The following MCUB variants were observed in gnomAD, a reference collection of about 807,000 sequenced individuals.
MCUB encodes mitochondrial calcium uniporter dominant negative subunit beta.
A neutral mutation model predicts 41.4 loss-of-function variants in MCUB; 46 were observed. That is an observed-to-expected ratio of 1.11 (90% CI 0.88 to 1.42). The LOEUF is 1.42. Among genes scored for constraint, MCUB ranks in the 40% most tolerant of loss-of-function variants. MCUB has a pLI of 0.00. For missense variants in MCUB, 403 were observed against 404.9 expected, an observed-to-expected ratio of 1.00 and a Z score of 0.04; for synonymous variants, 148 against 148.2, an observed-to-expected ratio of 1.00 and a Z score of 0.01.
At chr4:109,677,802 ATTTTTT>A (rs71595506) in intron 4 of MCUB, among the ~76,000 whole-genome samples, 23 of 86,592 alleles carry the variant, frequency 2.7e-4, no homozygotes, top group East Asian at 1.0e-3. Context: ...AAGGAAACAA[ATTTTTT>A]TTTTTTTTTT....
At chr4:109,648,679 CTA>C in intron 1 of MCUB, 1 of 392,338 alleles carries the variant, frequency 2.5e-6, no homozygotes, top group Non-Finnish European at 4.8e-6. Context: ...AAGAGAGCTC[CTA>C]TATAGCAGTT....
chr4:109,663,874 A>G lies in MCUB; in HGVS notation c.347-416A>G, dbSNP rs183055233. On this transcript the variant is annotated intron_variant, in intron 3 of 7. Transcript: ENST00000394650. The stretch of plus-strand genomic sequence containing the variant: ...CTAAGAGAAGACAGGAGCTGAGACC[A>G]GGTTAACCCAGTAACCACCTGATGA... Among the ~76,000 whole-genome samples the G allele has an allele frequency of 9.0e-4, 137 of 151,998 alleles. 1 individual carries two copies. The highest frequency in any genetic ancestry group is 1.8e-3 in the Non-Finnish European group (122 of 68,010).
In MCUB at chr4:109,682,712, C is replaced by T; in HGVS notation, c.582C>T (p.His194=). The change falls in exon 5 of 8, where the codon CAC becomes CAT. Residue 194 remains histidine, a synonymous_variant. Transcript: ENST00000394650. ...ACCATTTACTGGAGAAAATTGACCACCTGAAGGAACAGCTGCAGCCCCTTG... is the reference window on the plus strand; with the variant it reads ...ACCATTTACTGGAGAAAATTGACCATCTGAAGGAACAGCTGCAGCCCCTTG... ...REHHLLEKID[H]LKEQLQPLEQ... 1 of 1,613,730 alleles carries T rather than the reference C, an allele frequency of 6.2e-7. No homozygotes were observed. Among genetic ancestry groups the T allele is most frequent in the Admixed American group, 1.7e-5 (1 of 60,016 alleles).
intron 1 of MCUB, among the ~76,000 whole-genome samples, chr4:109,571,731 A>G (rs1413364891): frequency 6.6e-6 from 1 of 152,238 alleles, no homozygotes; most frequent in Non-Finnish European, 1.5e-5. Context: ...TTCCTTTGTC[A>G]TCTCTACATG....
chr4:109,652,639 C>T (rs1033645338), intron 1 of MCUB, among the ~76,000 whole-genome samples: 1 of 152,112 alleles, frequency 6.6e-6, no homozygotes, highest in African/African-American at 2.4e-5. Flanking sequence ...TTATAATTGG[C>T]ATCAATCCAT....
At chr4:109,636,498 A>G (rs571734354) in intron 1 of MCUB, among the ~76,000 whole-genome samples, 2 of 152,338 alleles carry the variant, frequency 1.3e-5, no homozygotes, top group South Asian at 2.1e-4. Flanking sequence ...CTGAGAAAAT[A>G]TAATCAGAAA....
chr4:109,600,788 T>TTA (rs1437303844), intron 1 of MCUB, among the ~76,000 whole-genome samples: 28 of 151,972 alleles, frequency 1.8e-4, no homozygotes, highest in African/African-American at 5.5e-4. Flanking sequence ...CGTATTTTTA[T>TTA]TATATATATA....
chr4:109,619,000 C>CTACG (rs1728190269), intron 1 of MCUB, among the ~76,000 whole-genome samples: 1 of 141,330 alleles, frequency 7.1e-6, no homozygotes, highest in African/African-American at 2.6e-5. Flanking sequence ...ACCTACCAAC[C>CTACG]TACCTACCTA....
chr4:109,687,838 G>C lies in MCUB; in HGVS notation c.*246G>C. On this transcript the variant is annotated 3_prime_UTR_variant, in exon 8 of 8. Coordinates refer to ENST00000394650, the MANE Select transcript of MCUB (RefSeq NM_017918.5). ...TGGCTGCTGTTAGCTAAAAATCCTT[G>C]TCAGCTTGTCCCACGTTTATTCTCT... 1 of 460,522 alleles carries C rather than the reference G, an allele frequency of 2.2e-6. No homozygotes were observed. Among genetic ancestry groups the C allele is most frequent in the Non-Finnish European group, 3.8e-6 (1 of 261,302 alleles). 28.5% of individuals were successfully genotyped at this position (460,522 alleles called of 1,614,324 possible). A position where few individuals can be genotyped will look rare whatever the true frequency, so the allele number is the denominator to read the frequency against.
At position 109,616,088 on chromosome 4, in the gene MCUB, T is replaced by C. The variant is rs1052934982; in HGVS notation, c.100-42923T>C. 2.6e-5 allele frequency among the ~76,000 whole-genome samples: 4 copies of C among 152,278 alleles called. No individual in the cohort carries two copies. The South Asian group carries it at 8.3e-4, about 31-fold the overall frequency. ...TTCCAAAAGGATATATGTGAAATGA[T>C]GAGTGATAGATCCATAGTGCCTCGC... On this transcript the variant is annotated intron_variant, in intron 1 of 7. Transcript: ENST00000394650.
intron 1 of MCUB, among the ~76,000 whole-genome samples, chr4:109,645,578 G>A (rs55814811): frequency 0.1 from 15,331 of 150,792 alleles, 891 homozygotes; most frequent in Non-Finnish European, 0.13. Context: ...CTTATCATCC[G>A]CAGCACCACC....
At chr4:109,682,869 C>T (rs1331946398) in intron 5 of MCUB, 127 bp downstream of exon 5, 2 of 662,688 alleles carry the variant, frequency 3.0e-6, no homozygotes, top group African/African-American at 1.9e-5. Flanking sequence ...CACAAAAAAC[C>T]TGTAAGTTCA....
At chr4:109,671,306 G>T (rs6834082) in intron 4 of MCUB, among the ~76,000 whole-genome samples, 108,117 of 152,078 alleles carry the variant, frequency 0.71, 39,228 homozygotes, top group African/African-American at 0.86. Flanking sequence ...AGTTCAAATA[G>T]TGCTGCTTTT....
intron 1 of MCUB, among the ~76,000 whole-genome samples, chr4:109,575,839 T>A (rs1727014197): frequency 6.6e-6 from 1 of 152,222 alleles, no homozygotes; most frequent in South Asian, 2.1e-4. Context: ...AGTAATATTC[T>A]TGGTTTTGAA....
intron 4 of MCUB, among the ~76,000 whole-genome samples, chr4:109,669,310 T>G (rs919876960): frequency 1.3e-5 from 2 of 152,158 alleles, no homozygotes; most frequent in Admixed American, 1.3e-4. Flanking sequence ...TTAGGCTGCT[T>G]TGTTTTTTTC....
intron 1 of MCUB, among the ~76,000 whole-genome samples, chr4:109,644,595 A>G (rs544415037): frequency 5.9e-5 from 9 of 152,332 alleles, no homozygotes; most frequent in Admixed American, 5.2e-4. Context: ...TTGGAAAGGA[A>G]CACATTCTCA....
chr4:109,632,876 A>G (rs944239298), intron 1 of MCUB, among the ~76,000 whole-genome samples: 3 of 152,082 alleles, frequency 2.0e-5, no homozygotes, highest in South Asian at 2.1e-4. Context: ...CGGCCTCCCA[A>G]AGTGCTGGGA....
chr4:109,653,735 C>A (rs1420571723), intron 1 of MCUB, among the ~76,000 whole-genome samples: 1 of 152,092 alleles, frequency 6.6e-6, no homozygotes, highest in African/African-American at 2.4e-5. Flanking sequence ...CACCCTATAT[C>A]CAGCTAATTT....
intron 1 of MCUB, among the ~76,000 whole-genome samples, chr4:109,620,774 C>G (rs1728234760): frequency 1.3e-5 from 2 of 152,140 alleles, no homozygotes; most frequent in South Asian, 2.1e-4. Flanking sequence ...GCCTCTTCCC[C>G]TAAGCTTTTG....
Sources: gnomAD v4.1 joint callset for allele counts (sites outside exome capture counted in the v4.1 genomes callset) on GRCh38, gnomAD v4.1.1 for gene constraint, MANE v1.5 for transcripts, NCBI Gene and HGNC (gene_info 2026-07-23, HGNC 2026-07-21) for gene names.